Variants in EPG5 observed in about 807,000 individuals in gnomAD.
EPG5 encodes the protein ectopic P-granules 5 autophagy tethering factor.
EPG5 carries 159 observed loss-of-function variants against 302.7 expected under a neutral mutation model. The ratio of observed to expected loss-of-function variants is 0.53; its 90% CI spans 0.46 to 0.60. EPG5 has a LOEUF of 0.60. Ranked by LOEUF, EPG5 falls within the 20% of genes least tolerant of loss-of-function variation. The pLI, the probability that EPG5 is intolerant of heterozygous loss-of-function variation, is 0.00. For synonymous variants in EPG5, 1,158 were observed against 1,136.8 expected (o/e 1.02, Z -0.37); for missense variants, 2,896 against 3,092.4 (o/e 0.94, Z 1.51).
chr18:45,921,672 A>C (rs1047990489), intron 16 of EPG5, among the ~76,000 whole-genome samples: 1 of 152,122 alleles, frequency 6.6e-6, no homozygotes, highest in South Asian at 2.1e-4. Context: ...TGACCTAGTC[A>C]GGCATTTCAT....
rs748788401 is a variant in EPG5, at chr18:45,860,287, T to A, written c.6826A>T (p.Met2276Leu). Residue 2276 changes from methionine to leucine, a missense_variant, in exon 40 of 44, where the codon ATG becomes TTG. Met to Leu is a conservative substitution (Grantham distance 15, BLOSUM62 2). Transcript: ENST00000282041. ...LSSLFMEVLM[M>L]MNNATIPTAE... ...GTTGGAATAGTCGCGTTGTTCATCA[T>A]CATCAGGACTTCCATAAAGAGGCTG... is the stretch of plus-strand genomic sequence containing the variant. The A allele has an allele frequency of 4.5e-5, 72 of 1,614,090 alleles. No homozygotes were observed. Among genetic ancestry groups the A allele is most frequent in the East Asian group, 8.9e-5 (4 of 44,894 alleles).
chr18:45,960,886 T>C (rs371355146), intron 1 of EPG5, among the ~76,000 whole-genome samples: 57 of 152,126 alleles, frequency 3.7e-4, no homozygotes, highest in African/African-American at 1.0e-3. Context: ...GAAAAAAACA[T>C]GTAAAGATGT....
At chr18:45,963,300 TA>T (rs2051186283) in intron 1 of EPG5, among the ~76,000 whole-genome samples, 1 of 151,866 alleles carries the variant, frequency 6.6e-6, no homozygotes, top group African/African-American at 2.4e-5. Flanking sequence ...GCTGGCTAGG[TA>T]AAAAGGGATA....
chr18:45,917,855 G>C, intron 16 of EPG5, 36 bp from the exon 17 acceptor site: 1 of 1,609,212 alleles, frequency 6.2e-7, no homozygotes, highest in Non-Finnish European at 8.5e-7. Flanking sequence ...ATACACAAGG[G>C]AGCTGGTTCA....
At chr18:45,965,572 A>C (rs1287327494) in intron 1 of EPG5, among the ~76,000 whole-genome samples, 2 of 152,246 alleles carry the variant, frequency 1.3e-5, no homozygotes, top group African/African-American at 4.8e-5. Context: ...TCCCATGAGA[A>C]AATCGGATTA....
chr18:45,880,143 G>T lies in EPG5; in HGVS notation c.5599C>A (p.Gln1867Lys), dbSNP rs1229227556. Reference protein sequence around the residue: ...ALGCCAPSCQQGAASTEGAVL... With the variant: ...ALGCCAPSCQKGAASTEGAVL... The stretch of plus-strand genomic sequence containing the variant: ...GCGCCCTCGGTGGACGCTGCCCCCT[G>T]CTGGCAGCTGGGGGCGCAGCAGCCC... The change falls in exon 32 of 44, where the codon CAG (glutamine) becomes AAG (lysine). Residue 1867 changes from glutamine to lysine, a missense_variant. Gln to Lys is a moderately conservative substitution (Grantham distance 53). This residue lies in a region of EPG5 where 790 missense variants were observed against 798.0 expected (regional missense o/e 0.99). Coordinates refer to ENST00000282041, the MANE Select transcript of EPG5 (RefSeq NM_020964.3). 1 of 1,611,430 alleles carries T rather than the reference G, an allele frequency of 6.2e-7. No individual in the cohort carries two copies. The highest frequency in any genetic ancestry group is 1.3e-5 in the African/African-American group (1 of 74,940).
chr18:45,946,889 A>G (rs1162799288), intron 6 of EPG5, 121 bp from the exon 7 acceptor site: 6 of 782,388 alleles, frequency 7.7e-6, no homozygotes, highest in Non-Finnish European at 1.2e-5. Context: ...GGTTTAAATT[A>G]GTGAATAAGA....
intron 9 of EPG5, among the ~76,000 whole-genome samples, chr18:45,941,612 A>C (rs117767115): frequency 0.014 from 2,139 of 152,338 alleles, 28 homozygotes; most frequent in South Asian, 0.028. Flanking sequence ...TTACACAATA[A>C]TGTAAACAGT....
At chr18:45,933,809 A>G (rs2050454004) in intron 11 of EPG5, among the ~76,000 whole-genome samples, 1 of 152,180 alleles carries the variant, frequency 6.6e-6, no homozygotes, top group South Asian at 2.1e-4. Flanking sequence ...TTTGGAAAAC[A>G]GCCTTTACTT....
Position 45,889,793 on chromosome 18 carries a change from C to T in EPG5, c.4952+5G>A. 6.3e-7 allele frequency: 1 copy of T among 1,598,128 alleles called. No individual in the cohort carries two copies. The highest frequency in any genetic ancestry group is 8.5e-7 in the Non-Finnish European group (1 of 1,172,356). ...ATTTCAAATTATAATGCCTGCAAAA[C>T]TTACGTGATCAAGTTTTCTGCATGT... On this transcript the variant is annotated splice_donor_5th_base_variant and intron_variant, in intron 28 of 43. Transcript: ENST00000282041.
chr18:45,837,045 T>A, the EPG5 span: 2 of 1,528,610 alleles, frequency 1.3e-6, no homozygotes, highest in Non-Finnish European at 1.8e-6. Context: ...TTGTGAGAAC[T>A]AAAATAGATA....
intron 42 of EPG5, among the ~76,000 whole-genome samples, chr18:45,856,291 T>C (rs2048514560): frequency 6.6e-6 from 1 of 152,168 alleles, no homozygotes; most frequent in African/African-American, 2.4e-5. Flanking sequence ...AAGTCCAACA[T>C]AAGGGGCCAC....
At chr18:45,928,834 G>C (rs9965433) in intron 13 of EPG5, 35 bp downstream of exon 13, 4 of 1,593,570 alleles carry the variant, frequency 2.5e-6, no homozygotes, top group Non-Finnish European at 3.4e-6. Flanking sequence ...TCCAAGATTT[G>C]AAAAAACAAA....
Position 45,867,751 on chromosome 18 carries a change from A to C in EPG5, c.6226-3T>G. The C allele has an allele frequency of 6.3e-7, 1 of 1,588,510 alleles. No homozygotes were observed. Among genetic ancestry groups the C allele is most frequent in the Non-Finnish European group, 8.6e-7 (1 of 1,168,656 alleles). On this transcript the variant is annotated splice_polypyrimidine_tract_variant and splice_region_variant and intron_variant, in intron 36 of 43. Coordinates refer to ENST00000282041, the MANE Select transcript of EPG5 (RefSeq NM_020964.3). ...CTCTTGGGGCTTCCTCGTTCCACCT[A>C]AAAGAAAATGAATTAAAATCATTCT...
chr18:45,924,206 T>C (rs2050218664), intron 14 of EPG5, among the ~76,000 whole-genome samples: 2 of 152,188 alleles, frequency 1.3e-5, no homozygotes, highest in Non-Finnish European at 2.9e-5. Context: ...GAAAAATACA[T>C]TCCTTAAACC....
the EPG5 span, among the ~76,000 whole-genome samples, chr18:45,818,972 G>A: frequency 6.6e-6 from 1 of 152,092 alleles, no homozygotes; most frequent in Admixed American, 6.6e-5. Context: ...GACCACAAAT[G>A]ATCCACCCGC....
intron 14 of EPG5, among the ~76,000 whole-genome samples, chr18:45,924,382 C>T (rs960598474): frequency 6.6e-6 from 1 of 152,186 alleles, no homozygotes; most frequent in Non-Finnish European, 1.5e-5. Context: ...AGAGAGGGCC[C>T]AGATGAATCT....
In EPG5 at chr18:45,910,476, C is replaced by CTG. The variant is rs1418554834; in HGVS notation, c.4205+43_4205+44dup. 7.0e-6 allele frequency: 10 copies of CTG among 1,433,820 alleles called. No homozygotes were observed. In the African/African-American group the frequency reaches 1.4e-4, roughly 20 times the overall value. The allele number at this position is 1,433,820 out of a possible 1,614,324, so 88.8% of individuals were successfully genotyped here. On this transcript the variant is annotated intron_variant, in intron 23 of 43. Coordinates refer to ENST00000282041, the MANE Select transcript of EPG5 (RefSeq NM_020964.3). ...ACAGTTAACTGCTCCAGCATAGTAC[C>CTG]TGTGCTGCAAACAACAATGTAGGTG...
At position 45,916,780 on chromosome 18, in the gene EPG5, T is replaced by C. The variant is rs117568088; in HGVS notation, c.3240-198A>G. 953 of 470,738 alleles carry C rather than the reference T, an allele frequency of 2.0e-3. 2 individuals are homozygous for C. Among genetic ancestry groups the C allele is most frequent in the Non-Finnish European group, 2.9e-3 (772 of 266,934 alleles). 29.2% of individuals were successfully genotyped at this position (470,738 alleles called of 1,614,324 possible). The stretch of plus-strand genomic sequence containing the variant: ...AAGGAATTCTATCTACCCACAGAGG[T>C]ATTAAGAACAGATCCACGACACACA... On this transcript the variant is annotated intron_variant, in intron 17 of 43. Coordinates refer to ENST00000282041, the MANE Select transcript of EPG5 (RefSeq NM_020964.3).
Sources: gnomAD v4.1 joint callset for allele counts (sites outside exome capture counted in the v4.1 genomes callset) on GRCh38, gnomAD v4.1.1 for gene constraint, gnomAD v4.1.1 regional missense constraint, MANE v1.5 for transcripts, NCBI Gene and HGNC (gene_info 2026-07-23, HGNC 2026-07-21) for gene names.